ABL1: variants seen among roughly 807,000 people sequenced by gnomAD.
ABL1 encodes the protein ABL proto-oncogene 1, non-receptor tyrosine kinase.
A neutral mutation model predicts 94.7 loss-of-function variants in ABL1; 11 were observed. The observed-to-expected ratio is 0.12, with a 90% CI of 0.07 to 0.19. The LOEUF is 0.19. ABL1 is among the 10% of genes least tolerant of loss of function. The pLI, the probability that ABL1 is intolerant of heterozygous loss-of-function variation, is 1.00. For synonymous variants in ABL1, 656 were observed against 622.4 expected (o/e 1.05, Z -0.80); for missense variants, 1,082 against 1,489.4 (o/e 0.73, Z 4.50).
chr9:130,771,526 A>T (rs1588232936), intron 1 of ABL1, among the ~76,000 whole-genome samples: 1 of 152,170 alleles, frequency 6.6e-6, no homozygotes, highest in South Asian at 2.1e-4. Context: ...TAAGTGTTCC[A>T]AATATCTTCA....
chr9:130,845,297 A>G (rs898694528), intron 1 of ABL1, among the ~76,000 whole-genome samples: 2 of 152,014 alleles, frequency 1.3e-5, no homozygotes, highest in African/African-American at 4.8e-5. Flanking sequence ...AAGAAACAAA[A>G]TTCTCCATCC....
At chr9:130,752,517 T>C (rs1588223617) in intron 1 of ABL1, among the ~76,000 whole-genome samples, 1 of 152,166 alleles carries the variant, frequency 6.6e-6, no homozygotes, top group Non-Finnish European at 1.5e-5. Context: ...GGTGAATGCC[T>C]GGTATAGTGC....
intron 1 of ABL1, among the ~76,000 whole-genome samples, chr9:130,800,532 G>T (rs1830040731): frequency 6.6e-6 from 1 of 151,680 alleles, no homozygotes; most frequent in South Asian, 2.1e-4. Flanking sequence ...CCTTTTTCCA[G>T]TGGATTCCTT....
chr9:130,789,655 T>G (rs556817269), intron 1 of ABL1, among the ~76,000 whole-genome samples: 2 of 152,232 alleles, frequency 1.3e-5, no homozygotes, highest in South Asian at 2.1e-4. Flanking sequence ...TTACTACCTT[T>G]GGGGAAGCAA....
intron 1 of ABL1, among the ~76,000 whole-genome samples, chr9:130,723,875 G>A (rs1474499541): frequency 3.3e-5 from 5 of 151,702 alleles, no homozygotes; most frequent in Non-Finnish European, 4.4e-5. Flanking sequence ...GCAGTGGCGC[G>A]ATCTTGGCTC....
At chr9:130,738,297 A>G (rs1476081180) in intron 1 of ABL1, among the ~76,000 whole-genome samples, 1 of 151,598 alleles carries the variant, frequency 6.6e-6, no homozygotes, top group Admixed American at 6.6e-5. Context: ...GACCAATAGT[A>G]GTAACAGGTA....
chr9:130,746,586 T>C (rs145976603), intron 1 of ABL1, among the ~76,000 whole-genome samples: 92 of 151,470 alleles, frequency 6.1e-4, no homozygotes, highest in African/African-American at 2.0e-3. Context: ...TTGAGATCCA[T>C]CTAAATGTTG....
chr9:130,884,460 C>T lies in ABL1; in HGVS notation c.2170C>T (p.His724Tyr), dbSNP rs1475703235. The change falls in exon 11 of 11, where the codon CAT becomes TAT. Residue 724 changes from histidine (H) to tyrosine (Y), a missense_variant. Coordinates refer to ENST00000318560, the MANE Select transcript of ABL1 (RefSeq NM_005157.6). The surrounding 1 kb of genome is among the most constrained non-coding windows in gnomAD (Gnocchi z 5.6). Reference sequence around the variant, plus strand: ...CTCTTGCTCCGCCTCCTGCGTTCCCCATGGGGCCAAGGACACGGAGTGGAG... The same window carrying T: ...CTCTTGCTCCGCCTCCTGCGTTCCCTATGGGGCCAAGGACACGGAGTGGAG... ...LRSCSASCVP[H>Y]GAKDTEWRSV... 6.2e-7 allele frequency: 1 copy of T among 1,613,024 alleles called. No individual in the cohort carries two copies. The highest frequency in any genetic ancestry group is 1.7e-5 in the Admixed American group (1 of 60,028).
At chr9:130,717,751 C>T (rs1486643215) in intron 1 of ABL1, among the ~76,000 whole-genome samples, 6 of 146,584 alleles carry the variant, frequency 4.1e-5, no homozygotes, top group Non-Finnish European at 6.0e-5. Context: ...CAGTGGCTCA[C>T]GCCTGTAATC....
intron 1 of ABL1, among the ~76,000 whole-genome samples, chr9:130,717,252 A>C (rs1831454567): frequency 6.6e-6 from 1 of 152,146 alleles, no homozygotes; most frequent in African/African-American, 2.4e-5. Flanking sequence ...CATGTTAGCC[A>C]GGCTGGTCTT....
chr9:130,826,242 T>G (rs1483828900), intron 1 of ABL1, among the ~76,000 whole-genome samples: 1 of 151,916 alleles, frequency 6.6e-6, no homozygotes, highest in Non-Finnish European at 1.5e-5. Flanking sequence ...TGTCTGAGCC[T>G]CCTGAGTAGC....
At chr9:130,719,386 G>A (rs568833969) in intron 1 of ABL1, among the ~76,000 whole-genome samples, 13 of 151,994 alleles carry the variant, frequency 8.6e-5, no homozygotes, top group African/African-American at 3.1e-4. Flanking sequence ...AAAATTAGCT[G>A]GGCGTGGTTG....
chr9:130,839,892 C>T (rs1168283339), intron 1 of ABL1, among the ~76,000 whole-genome samples: 6 of 152,302 alleles, frequency 3.9e-5, no homozygotes, highest in Admixed American at 2.6e-4. Context: ...AGGCAGCTCC[C>T]GAGCCAGCCA....
At chr9:130,853,809 A>G (rs962200867) in intron 1 of ABL1, among the ~76,000 whole-genome samples, 3 of 152,258 alleles carry the variant, frequency 2.0e-5, no homozygotes, top group Non-Finnish European at 4.4e-5. Context: ...GAATCCATGA[A>G]TTTTAGAAGC....
intron 3 of ABL1, among the ~76,000 whole-genome samples, chr9:130,858,419 T>A (rs1831009443): frequency 6.6e-6 from 1 of 152,054 alleles, no homozygotes; most frequent in South Asian, 2.1e-4. Context: ...GGGCAACACA[T>A]CACACTTCCC....
At position 130,804,453 on chromosome 9, in the gene ABL1, G is replaced by A. The variant is rs546019527; in HGVS notation, c.137-49611G>A. ...AATACAAAATTAGTGGGCGTGTGGC[G>A]CATGCCTGTAATCCCAGCTACTTAG... On this transcript the variant is annotated intron_variant, in intron 1 of 10. Transcript: ENST00000372348. 4.9e-4 allele frequency among the ~76,000 whole-genome samples: 74 copies of A among 152,048 alleles called. 1 individual carries two copies. In the East Asian group the frequency reaches 6.4e-3, roughly 13 times the overall value.
intron 1 of ABL1, among the ~76,000 whole-genome samples, chr9:130,722,278 A>C (rs765545423): frequency 3.3e-5 from 5 of 152,124 alleles, no homozygotes; most frequent in Non-Finnish European, 7.4e-5. Flanking sequence ...CTGTAATCCC[A>C]GCTACTCAGG....
intron 1 of ABL1, among the ~76,000 whole-genome samples, chr9:130,725,568 T>C (rs1283028237): frequency 1.3e-5 from 2 of 151,736 alleles, no homozygotes; most frequent in Admixed American, 1.3e-4. Flanking sequence ...TTAGTAGAGA[T>C]GGGGTTTCTC....
chr9:130,718,933 A>G (rs1428939422), intron 1 of ABL1, among the ~76,000 whole-genome samples: 1 of 152,180 alleles, frequency 6.6e-6, no homozygotes, highest in African/African-American at 2.4e-5. Context: ...GAAGGCACAT[A>G]GGGATGTTTG....
Sources: allele counts gnomAD v4.1 joint callset (sites outside exome capture counted in the v4.1 genomes callset), GRCh38; gene constraint gnomAD v4.1.1; non-coding constraint Gnocchi (gnomAD v3.1); transcripts MANE v1.5; gene names NCBI Gene and HGNC (gene_info 2026-07-23, HGNC 2026-07-21).